The following EYS variants were observed in gnomAD, a reference collection of about 807,000 sequenced individuals.
EYS encodes the protein EGF-like photoreceptor maintenance factor.
A neutral mutation model predicts 282.1 loss-of-function variants in EYS; 250 were observed. The ratio of observed to expected loss-of-function variants is 0.89; its 90% CI spans 0.80 to 0.98. The LOEUF (loss-of-function observed/expected upper bound fraction) is 0.98. EYS is among the 50% of genes least tolerant of loss of function. The probability of loss-of-function intolerance (pLI) is 0.00; values close to 1 mark genes in which losing one functional copy is unlikely to be tolerated. For synonymous variants in EYS, 1,355 were observed against 1,282.9 expected (o/e 1.06, Z -1.20); for missense variants, 4,016 against 3,709.0 (o/e 1.08, Z -2.15).
At chr6:65,597,967 G>T (rs1279643948) in intron 2 of EYS, among the ~76,000 whole-genome samples, 1 of 151,968 alleles carries the variant, frequency 6.6e-6, no homozygotes, top group East Asian at 1.9e-4. Flanking sequence ...GGACATGGTG[G>T]CATGCACCTG....
At chr6:63,815,016 C>G (rs1392261780) in intron 36 of EYS, among the ~76,000 whole-genome samples, 3 of 152,120 alleles carry the variant, frequency 2.0e-5, no homozygotes, top group Non-Finnish European at 4.4e-5. Flanking sequence ...TTTCTTCATG[C>G]CCGTGAATAT....
intron 11 of EYS, among the ~76,000 whole-genome samples, chr6:65,326,910 TA>T (rs1769638215): frequency 6.6e-6 from 1 of 151,658 alleles, no homozygotes; most frequent in African/African-American, 2.4e-5. Context: ...GACCACAAAA[TA>T]AAATTATTTT....
intron 7 of EYS, among the ~76,000 whole-genome samples, chr6:65,387,952 C>T (rs965434148): frequency 5.3e-5 from 8 of 151,862 alleles, no homozygotes; most frequent in East Asian, 1.9e-4. Flanking sequence ...GAACCTATTC[C>T]GCTACTTGGG....
chr6:64,130,863 G>GATTT (rs966995506), intron 31 of EYS, among the ~76,000 whole-genome samples: 19 of 152,050 alleles, frequency 1.2e-4, no homozygotes, highest in African/African-American at 2.4e-4. Context: ...TGAACAGTGT[G>GATTT]ATTTATTTAT....
intron 11 of EYS, among the ~76,000 whole-genome samples, chr6:65,333,472 G>A (rs1249431203): frequency 6.6e-6 from 1 of 151,496 alleles, no homozygotes; most frequent in Admixed American, 6.6e-5. Context: ...GATCTATCTT[G>A]GAGAGTGTGC....
chr6:64,374,011 A>G (rs1218116612), intron 29 of EYS, among the ~76,000 whole-genome samples: 1 of 151,320 alleles, frequency 6.6e-6, no homozygotes, highest in East Asian at 1.9e-4. Context: ...TTCTAGCTGC[A>G]CTCTCCAGTT....
intron 35 of EYS, among the ~76,000 whole-genome samples, chr6:63,865,758 T>A (rs1376550234): frequency 1.3e-5 from 2 of 152,046 alleles, no homozygotes; most frequent in Non-Finnish European, 2.9e-5. Flanking sequence ...GAAAGAACCA[T>A]TTTTTTCATC....
intron 34 of EYS, among the ~76,000 whole-genome samples, chr6:63,997,836 T>C (rs886746002): frequency 1.2e-4 from 19 of 152,196 alleles, no homozygotes; most frequent in Admixed American, 1.2e-3. Context: ...TTTTATGCTA[T>C]TCATAAGAAA....
intron 31 of EYS, among the ~76,000 whole-genome samples, chr6:64,092,765 C>A (rs1351796882): frequency 2.0e-5 from 3 of 151,440 alleles, no homozygotes; most frequent in Non-Finnish European, 4.4e-5. Context: ...TAATTAGATC[C>A]CATTTGTCAA....
rs114906983 is a variant in EYS, at chr6:64,779,477, G to A, written c.3443+33901C>T. Among the ~76,000 whole-genome samples the A allele has an allele frequency of 4.1e-3, 620 of 152,224 alleles. 2 individuals carry two copies. The highest frequency in any genetic ancestry group is 7.0e-3 in the Non-Finnish European group (476 of 67,986). ...CTATAAAAAGATCAGCGTTTGCCAG[G>A]AGTTGGGTTGGGGGAAGGGAAGAAT... On this transcript the variant is annotated intron_variant, in intron 22 of 42. Transcript: ENST00000503581.
At chr6:65,501,910 T>A (rs184622269) in intron 2 of EYS, among the ~76,000 whole-genome samples, 1 of 151,832 alleles carries the variant, frequency 6.6e-6, no homozygotes. Flanking sequence ...CCAACAGCAT[T>A]ATTTGCTTTT....
intron 22 of EYS, among the ~76,000 whole-genome samples, chr6:64,784,898 C>T (rs942218065): frequency 2.6e-5 from 4 of 151,978 alleles, no homozygotes; most frequent in African/African-American, 7.3e-5. Context: ...CAGTTGTATT[C>T]GAGGCCCCTT....
intron 11 of EYS, chr6:65,300,753 G>C (rs1347433943): frequency 2.6e-5 from 4 of 152,220 alleles, no homozygotes; most frequent in Admixed American, 2.0e-4. Context: ...CTCAGAGTCT[G>C]TATTCTTTTA....
intron 29 of EYS, among the ~76,000 whole-genome samples, chr6:64,346,206 C>A (rs527870868): frequency 2.7e-4 from 41 of 151,934 alleles, no homozygotes; most frequent in African/African-American, 8.7e-4. Context: ...TACTGGGTAT[C>A]TACCCAAAGG....
intron 22 of EYS, among the ~76,000 whole-genome samples, chr6:64,647,342 A>T (rs2149875577): frequency 6.6e-6 from 1 of 152,156 alleles, no homozygotes; most frequent in African/African-American, 2.4e-5. Flanking sequence ...AGTTTTTAAC[A>T]CACACACACA....
At chr6:65,247,623 T>G (rs1212488771) in intron 12 of EYS, among the ~76,000 whole-genome samples, 1 of 152,080 alleles carries the variant, frequency 6.6e-6, no homozygotes, top group African/African-American at 2.4e-5. Context: ...ATATTCTCTT[T>G]CAATGATCTC....
chr6:64,664,523 T>A (rs1393526164), intron 22 of EYS, among the ~76,000 whole-genome samples: 1 of 152,176 alleles, frequency 6.6e-6, no homozygotes, highest in African/African-American at 2.4e-5. Context: ...CCAAAAGAGT[T>A]AAAAAACACT....
chr6:64,812,190 A>C (rs2150015273), intron 22 of EYS, among the ~76,000 whole-genome samples: 1 of 152,098 alleles, frequency 6.6e-6, no homozygotes, highest in South Asian at 2.1e-4. Context: ...AAAGTACGAT[A>C]AACAGAAAGT....
At chr6:65,430,022 A>T (rs1466997578) in intron 5 of EYS, among the ~76,000 whole-genome samples, 1 of 152,156 alleles carries the variant, frequency 6.6e-6, no homozygotes, top group Non-Finnish European at 1.5e-5. Flanking sequence ...AGTGAAGCAT[A>T]GGAAAGATGA....
Sources: allele counts gnomAD v4.1 joint callset (sites outside exome capture counted in the v4.1 genomes callset), GRCh38; gene constraint gnomAD v4.1.1; transcripts MANE v1.5; gene names NCBI Gene and HGNC (gene_info 2026-07-23, HGNC 2026-07-21).